The following EYS variants were observed in gnomAD, a reference collection of about 807,000 sequenced individuals.
EYS encodes protein eyes shut homolog.
In EYS, 250 loss-of-function variants were observed where a neutral mutation model predicts 282.1. That is an observed-to-expected ratio of 0.89 (90% CI 0.80 to 0.98). The LOEUF is 0.98. Ranked by LOEUF, EYS falls within the 50% of genes least tolerant of loss-of-function variation. The probability of loss-of-function intolerance (pLI) is 0.00; values close to 1 mark genes in which losing one functional copy is unlikely to be tolerated. For synonymous variants in EYS, 1,355 were observed against 1,282.9 expected, an observed-to-expected ratio of 1.06 and a Z score of -1.20; for missense variants, 4,016 against 3,709.0, an observed-to-expected ratio of 1.08 and a Z score of -2.15.
intron 2 of EYS, among the ~76,000 whole-genome samples, chr6:65,625,988 C>T (rs1024090347): frequency 6.6e-6 from 1 of 152,152 alleles, no homozygotes; most frequent in Non-Finnish European, 1.5e-5. Flanking sequence ...ATTATTCCTT[C>T]CCTTCCTTTA....
intron 26 of EYS, among the ~76,000 whole-genome samples, chr6:64,452,595 C>G (rs1173115647): frequency 1.3e-5 from 2 of 152,136 alleles, no homozygotes; most frequent in African/African-American, 4.8e-5. Context: ...ATCACACTAC[C>G]TGACTTCAAA....
intron 33 of EYS, among the ~76,000 whole-genome samples, chr6:64,063,106 A>G (rs1428519704): frequency 6.6e-6 from 1 of 152,132 alleles, no homozygotes; most frequent in African/African-American, 2.4e-5. Context: ...GTATACAGTT[A>G]TTAAATGTTA....
At chr6:65,182,789 T>A (rs140660224) in intron 12 of EYS, among the ~76,000 whole-genome samples, 395 of 152,026 alleles carry the variant, frequency 2.6e-3, no homozygotes, top group Non-Finnish European at 4.2e-3. Context: ...CTGGGTTTTT[T>A]GTTTTGTTTT....
chr6:65,150,175 CATT>C (rs1459552370), intron 12 of EYS, among the ~76,000 whole-genome samples: 1 of 151,880 alleles, frequency 6.6e-6, no homozygotes, highest in African/African-American at 2.4e-5. Flanking sequence ...TATCACCTGT[CATT>C]ATGGGGGGAA....
chr6:64,191,669 T>C (rs1164431313), intron 31 of EYS, among the ~76,000 whole-genome samples: 3 of 152,212 alleles, frequency 2.0e-5, no homozygotes, highest in Non-Finnish European at 2.9e-5. Context: ...CATCATTTTT[T>C]ATGGCTGCAT....
intron 2 of EYS, among the ~76,000 whole-genome samples, chr6:65,604,864 G>A (rs1390708899): frequency 8.1e-6 from 1 of 122,722 alleles, no homozygotes; most frequent in Admixed American, 9.1e-5. Flanking sequence ...TTTTTTTTGA[G>A]ACAGGGTCTT....
chr6:64,138,517 G>A (rs141385005), intron 31 of EYS, among the ~76,000 whole-genome samples: 153 of 152,138 alleles, frequency 1.0e-3, no homozygotes, highest in African/African-American at 3.5e-3. Flanking sequence ...CTGTAATTAC[G>A]GATATATGTG....
At chr6:64,819,466 A>C (rs984221154) in intron 21 of EYS, among the ~76,000 whole-genome samples, 2 of 152,122 alleles carry the variant, frequency 1.3e-5, no homozygotes, top group African/African-American at 4.8e-5. Context: ...GAAATCTATT[A>C]TATGAAAAGT....
chr6:65,261,942 A>G (rs1288757972), intron 12 of EYS, among the ~76,000 whole-genome samples: 4 of 152,114 alleles, frequency 2.6e-5, no homozygotes, highest in East Asian at 1.9e-4. Flanking sequence ...GTCTACTAAC[A>G]TTATATTTAT....
chr6:64,691,809 T>C (rs906717803), intron 22 of EYS, among the ~76,000 whole-genome samples: 1 of 152,214 alleles, frequency 6.6e-6, no homozygotes, highest in African/African-American at 2.4e-5. Context: ...GCTCCATCCA[T>C]CTTGCTGCAA....
intron 31 of EYS, among the ~76,000 whole-genome samples, chr6:64,157,352 A>C (rs1774962024): frequency 6.6e-6 from 1 of 152,138 alleles, no homozygotes; most frequent in Non-Finnish European, 1.5e-5. Flanking sequence ...AAAGTTCAGA[A>C]AATTATTGGC....
chr6:64,222,615 T>A (rs1766136477), intron 31 of EYS, among the ~76,000 whole-genome samples: 4 of 152,064 alleles, frequency 2.6e-5, no homozygotes, highest in Admixed American at 2.6e-4. Context: ...TTAATGTAGT[T>A]CCTCTACCAT....
At chr6:65,034,385 C>T (rs984098805) in intron 13 of EYS, among the ~76,000 whole-genome samples, 3 of 152,090 alleles carry the variant, frequency 2.0e-5, no homozygotes, top group Non-Finnish European at 4.4e-5. Flanking sequence ...AATGATATAG[C>T]ATGGATATTT....
chr6:65,143,281 A>T (rs1764394787), intron 12 of EYS, among the ~76,000 whole-genome samples: 1 of 151,852 alleles, frequency 6.6e-6, no homozygotes, highest in Non-Finnish European at 1.5e-5. Flanking sequence ...TTTGTACCAC[A>T]GGATATAGTA....
intron 1 of EYS, among the ~76,000 whole-genome samples, chr6:65,668,467 A>T (rs998042929): frequency 6.6e-6 from 1 of 151,780 alleles, no homozygotes; most frequent in African/African-American, 2.4e-5. Context: ...AGCCACACCT[A>T]TTTATTTATT....
chr6:65,702,387 T>G (rs1377710095), intron 1 of EYS, among the ~76,000 whole-genome samples: 1 of 152,182 alleles, frequency 6.6e-6, no homozygotes, highest in African/African-American at 2.4e-5. Context: ...GAAAACAGAT[T>G]AGCTTATAAA....
intron 33 of EYS, among the ~76,000 whole-genome samples, chr6:64,059,800 T>C (rs182782163): frequency 2.6e-5 from 4 of 152,320 alleles, no homozygotes; most frequent in Admixed American, 6.5e-5. Context: ...ATGTATGCTA[T>C]GTACAGACAG....
At chr6:64,537,693 C>G (rs1299955909) in intron 26 of EYS, among the ~76,000 whole-genome samples, 2 of 152,112 alleles carry the variant, frequency 1.3e-5, no homozygotes, top group Admixed American at 1.3e-4. Flanking sequence ...ATGATGAGTA[C>G]TTGGTTGTCC....
chr6:64,989,612 TA>T (rs1291707975), intron 14 of EYS, among the ~76,000 whole-genome samples: 2 of 141,264 alleles, frequency 1.4e-5, no homozygotes, highest in African/African-American at 2.7e-5. Context: ...TTAAATTAAA[TA>T]AATATAAATT....
Sources: gnomAD v4.1 joint callset for allele counts (sites outside exome capture counted in the v4.1 genomes callset) on GRCh38, gnomAD v4.1.1 for gene constraint, MANE v1.5 for transcripts, NCBI Gene and HGNC (gene_info 2026-07-23, HGNC 2026-07-21) for gene names.